The following CCSER1 variants were observed in gnomAD, a reference collection of about 807,000 sequenced individuals.
CCSER1 encodes coiled-coil serine rich protein 1, also known as serine-rich coiled-coil domain-containing protein 1.
A neutral mutation model predicts 82.0 loss-of-function variants in CCSER1; 41 were observed. The ratio of observed to expected loss-of-function variants is 0.50; its 90% confidence interval spans 0.39 to 0.65. The LOEUF (loss-of-function observed/expected upper bound fraction) is 0.65. Among genes scored for constraint, CCSER1 ranks in the 30% least tolerant of loss-of-function variants. The pLI, the probability that CCSER1 is intolerant of heterozygous loss-of-function variation, is 0.00. For missense variants in CCSER1, 1,119 were observed against 1,064.2 expected, an observed-to-expected ratio of 1.05 and a Z score of -0.72; for synonymous variants, 414 against 383.9, an observed-to-expected ratio of 1.08 and a Z score of -0.92.
intron 10 of CCSER1, among the ~76,000 whole-genome samples, chr4:91,086,999 A>G (rs183146914): frequency 1.3e-4 from 20 of 152,246 alleles, no homozygotes; most frequent in African/African-American, 4.8e-4. Context: ...ATGTTGTAGG[A>G]GAGCAAGATG....
chr4:90,492,862 TA>T (rs1461557439), intron 5 of CCSER1, among the ~76,000 whole-genome samples: 1 of 152,134 alleles, frequency 6.6e-6, no homozygotes, highest in Non-Finnish European at 1.5e-5. Flanking sequence ...GTTCTAGTTT[TA>T]TTGCACTGTG....
At chr4:90,171,323 G>A (rs1188169197) in intron 1 of CCSER1, among the ~76,000 whole-genome samples, 2 of 151,702 alleles carry the variant, frequency 1.3e-5, no homozygotes, top group Non-Finnish European at 2.9e-5. Flanking sequence ...TTATTAAGAC[G>A]TTCCTACTTA....
At chr4:90,686,008 G>C (rs1258984331) in intron 6 of CCSER1, among the ~76,000 whole-genome samples, 4 of 152,078 alleles carry the variant, frequency 2.6e-5, no homozygotes, top group Non-Finnish European at 5.9e-5. Flanking sequence ...TGGTGAGCTG[G>C]TTTAATTATT....
At chr4:90,453,182 C>G (rs935324458) in intron 4 of CCSER1, among the ~76,000 whole-genome samples, 7 of 152,108 alleles carry the variant, frequency 4.6e-5, no homozygotes, top group African/African-American at 1.7e-4. Context: ...TGAATGCAAA[C>G]AAATACTGGG....
intron 4 of CCSER1, among the ~76,000 whole-genome samples, chr4:90,412,434 G>A (rs545600184): frequency 3.8e-4 from 57 of 151,574 alleles, no homozygotes; most frequent in African/African-American, 1.2e-3. Context: ...CTTACACGTT[G>A]TGCATGTGTA....
intron 10 of CCSER1, among the ~76,000 whole-genome samples, chr4:91,282,208 T>C (rs1187094138): frequency 6.6e-6 from 1 of 152,164 alleles, no homozygotes; most frequent in Admixed American, 6.6e-5. Context: ...AGATCTCCTT[T>C]CTGATCTAGA....
At chr4:91,586,346 A>G (rs1358835326) in intron 10 of CCSER1, among the ~76,000 whole-genome samples, 1 of 151,704 alleles carries the variant, frequency 6.6e-6, no homozygotes, top group Non-Finnish European at 1.5e-5. Context: ...TGGTATGTTT[A>G]AAGTTATGTG....
At chr4:90,415,162 T>C (rs1755612234) in intron 4 of CCSER1, among the ~76,000 whole-genome samples, 2 of 152,228 alleles carry the variant, frequency 1.3e-5, no homozygotes, top group South Asian at 4.1e-4. Flanking sequence ...AATCAGTGAA[T>C]GTATTTTCTT....
At chr4:91,376,448 T>A (rs77473668) in intron 10 of CCSER1, among the ~76,000 whole-genome samples, 2,985 of 152,202 alleles carry the variant, frequency 0.02, 76 homozygotes, top group African/African-American at 0.067. Flanking sequence ...AAAAATATGG[T>A]TTTATAATCT....
At position 90,617,508 on chromosome 4, in the gene CCSER1, ACAGT is replaced by A. The variant is rs1721512163; in HGVS notation, c.1725-10514_1725-10511del. The stretch of plus-strand genomic sequence containing the variant: ...GCATAGAAATAAAGAAACTGAGATA[ACAGT>A]CAAAGAAAAATATATTGAAGCACAA... On this transcript the variant is annotated intron_variant, in intron 5 of 10. Transcript: ENST00000509176. Among the ~76,000 whole-genome samples, 4 of 152,322 alleles carry A rather than the reference ACAGT, an allele frequency of 2.6e-5. No individual in the cohort carries two copies. The South Asian group carries it at 8.3e-4, about 32-fold the overall frequency.
chr4:91,340,948 A>G (rs1268686741), intron 10 of CCSER1, among the ~76,000 whole-genome samples: 4 of 152,162 alleles, frequency 2.6e-5, no homozygotes, highest in Non-Finnish European at 4.4e-5. Context: ...GTCAGGATCT[A>G]TTGGCCTAGT....
At position 91,139,766 on chromosome 4, in the gene CCSER1, T is replaced by A. The variant is rs116549996; in HGVS notation, c.2217+53772T>A. 4.1e-3 allele frequency among the ~76,000 whole-genome samples: 619 copies of A among 152,326 alleles called. 8 individuals carry two copies. Among genetic ancestry groups the A allele is most frequent in the African/African-American group, 0.014 (597 of 41,582 alleles). On this transcript the variant is annotated intron_variant, in intron 10 of 10. Coordinates refer to ENST00000509176, the MANE Select transcript of CCSER1 (RefSeq NM_001145065.2). ...ACACTTATCTAGTGTCTAATATACA[T>A]TTGTAATCAACAAAAAGAACAGTGT... is the stretch of plus-strand genomic sequence containing the variant.
At chr4:90,545,507 G>A (rs546262452) in intron 5 of CCSER1, among the ~76,000 whole-genome samples, 9 of 152,014 alleles carry the variant, frequency 5.9e-5, no homozygotes, top group Middle Eastern at 3.4e-3. Flanking sequence ...TCTCTGCCTC[G>A]AAACCCTAAT....
At chr4:90,432,010 T>A (rs1758334566) in intron 4 of CCSER1, among the ~76,000 whole-genome samples, 1 of 152,068 alleles carries the variant, frequency 6.6e-6, no homozygotes, top group African/African-American at 2.4e-5. Flanking sequence ...CCACCTTCTT[T>A]AATTTTTAAC....
At chr4:91,027,390 G>A (rs192822959) in intron 9 of CCSER1, among the ~76,000 whole-genome samples, 1 of 151,536 alleles carries the variant, frequency 6.6e-6, no homozygotes, top group African/African-American at 2.4e-5. Context: ...TTTTCATTAA[G>A]AAAATTGCAA....
chr4:90,917,297 A>C lies in CCSER1; in HGVS notation c.2095-6073A>C, dbSNP rs1008320258. ...CCAACAATGATGGACTGGATTAAGA[A>C]AATGTGGCACATATACACCATGGAA... On this transcript the variant is annotated intron_variant, in intron 8 of 10. Transcript: ENST00000509176. Among the ~76,000 whole-genome samples, 3 of 152,212 alleles carry C rather than the reference A, an allele frequency of 2.0e-5. No individual in the cohort carries two copies. The East Asian group carries it at 5.8e-4, about 29-fold the overall frequency.
At chr4:91,154,087 A>C (rs1730548758) in intron 10 of CCSER1, among the ~76,000 whole-genome samples, 1 of 151,984 alleles carries the variant, frequency 6.6e-6, no homozygotes, top group South Asian at 2.1e-4. Flanking sequence ...CCTTTTGTTC[A>C]GCTATGCCCT....
chr4:90,158,401 C>T (rs1025878097), intron 1 of CCSER1, among the ~76,000 whole-genome samples: 5 of 152,182 alleles, frequency 3.3e-5, no homozygotes, highest in African/African-American at 7.2e-5. Context: ...CACTGCTCTC[C>T]TCAAAGCTGT....
intron 1 of CCSER1, among the ~76,000 whole-genome samples, chr4:90,286,215 GTTC>G (rs1729858197): frequency 6.6e-6 from 1 of 151,814 alleles, no homozygotes; most frequent in Admixed American, 6.6e-5. Flanking sequence ...GTTTATATTT[GTTC>G]TTCTTTAAAT....
Sources: gnomAD v4.1 joint callset for allele counts (sites outside exome capture counted in the v4.1 genomes callset) on GRCh38, gnomAD v4.1.1 for gene constraint, MANE v1.5 for transcripts, NCBI Gene and HGNC (gene_info 2026-07-23, HGNC 2026-07-21) for gene names.